The following WEE1 variants were observed in gnomAD, a reference collection of about 807,000 sequenced individuals.
The protein encoded by WEE1 is WEE1 G2 checkpoint kinase.
In WEE1, 16 loss-of-function variants were observed where a neutral mutation model predicts 68.8. The observed-to-expected ratio is 0.23, with a 90% confidence interval of 0.16 to 0.35. The LOEUF (loss-of-function observed/expected upper bound fraction) is 0.35. Ranked by LOEUF, WEE1 falls within the 10% of genes least tolerant of loss-of-function variation. The pLI is 1.00. For missense variants in WEE1, 651 were observed against 824.1 expected (o/e 0.79, Z 2.57); for synonymous variants, 349 against 318.7 (o/e 1.09, Z -1.01).
chr11:9,583,489 C>A (rs1434431964), intron 6 of WEE1, among the ~76,000 whole-genome samples: 1 of 149,866 alleles, frequency 6.7e-6, no homozygotes, highest in Non-Finnish European at 1.5e-5. Flanking sequence ...GTGGCAGGCA[C>A]CTGTAGTCCC....
At chr11:9,577,485 T>G in intron 5 of WEE1, 1 of 492,748 alleles carries the variant, frequency 2.0e-6, no homozygotes, top group Non-Finnish European at 3.6e-6. Flanking sequence ...TTTATGTGCT[T>G]GTCGCTCCAA....
At chr11:9,581,712 T>C (rs375145714) in intron 6 of WEE1, 34 bp downstream of exon 6, 1 of 1,584,000 alleles carries the variant, frequency 6.3e-7, no homozygotes, top group African/African-American at 1.4e-5. Context: ...CTGTGTTCTT[T>C]GGGGTTATAG....
At chr11:9,580,068 G>A (rs1849607738) in intron 5 of WEE1, 1 of 152,086 alleles carries the variant, frequency 6.6e-6, no homozygotes, top group African/African-American at 2.4e-5. Flanking sequence ...ATAAAAGCAG[G>A]TTATGGTCTC....
At chr11:9,577,296 A>G in intron 5 of WEE1, 33 bp downstream of exon 5, 1 of 1,599,164 alleles carries the variant, frequency 6.3e-7, no homozygotes, top group Non-Finnish European at 8.5e-7. Flanking sequence ...TGTGAGCTTG[A>G]GAAAATGAAC....
intron 6 of WEE1, among the ~76,000 whole-genome samples, chr11:9,584,425 C>T (rs1400597004): frequency 6.6e-6 from 1 of 152,138 alleles, no homozygotes; most frequent in East Asian, 1.9e-4. Context: ...GGATTACAGG[C>T]TTGAGCCACC....
intron 5 of WEE1, chr11:9,578,070 T>C: frequency 2.9e-6 from 1 of 349,694 alleles, no homozygotes; most frequent in Non-Finnish European, 5.5e-6. Context: ...GTTTTCATAC[T>C]CAAGTGTGAA....
At position 9,581,689 on chromosome 11, in the gene WEE1, C is replaced by T. The variant is rs4370932; in HGVS notation, c.1288+11C>T. ...TGGATATAAAACCTAGTAAGTATTG[C>T]AGATCTTCTGACCTGTGTTCTTTGG... is the stretch of plus-strand genomic sequence containing the variant. On this transcript the variant is annotated intron_variant, in intron 6 of 10. Transcript: ENST00000450114. The T allele has an allele frequency of 0.38, 604,100 of 1,603,850 alleles. 116,168 individuals are homozygous for T. Among genetic ancestry groups the T allele is most frequent in the Middle Eastern group, 0.53 (3,181 of 6,020 alleles).
At chr11:9,583,784 CACACACACACACACACACATATATATAT>C (rs1849662162) in intron 6 of WEE1, among the ~76,000 whole-genome samples, 7 of 32,452 alleles carry the variant, frequency 2.2e-4, no homozygotes, top group South Asian at 1.2e-3. Flanking sequence ...CACACACACA[CACACACACACACACACACATATATATAT>C]ATATATATAT....
chr11:9,574,298 CGTCGCCGGTCAA>C lies in WEE1; in HGVS notation c.374_385del (p.Val125_Pro128del). On this transcript the variant is annotated inframe_deletion, in exon 1 of 11. Transcript: ENST00000450114. This position sits in a 1 kb window ranked among gnomAD's most constrained non-coding sequence, Gnocchi z 4.9. ...TGGGAGGAGGAGGGCTTCGGCTCCT[CGTCGCCGGTCAA>C]GTCGCCGGCGGCCCCCTACTTCCTG... 7.9e-7 allele frequency: 1 copy of C among 1,261,806 alleles called. No individual in the cohort carries two copies. The highest frequency in any genetic ancestry group is 1.0e-6 in the Non-Finnish European group (1 of 1,003,136). 78.2% of individuals were successfully genotyped at this position (1,261,806 alleles called of 1,614,324 possible).
rs574174011 is a variant in WEE1, at chr11:9,576,992, C to A, written c.1020-150C>A. ...AATCTGCCTTTGGAAAAATCTCTTA[C>A]AAGTCTAAACCCCTTCTCTCTTAAG... On this transcript the variant is annotated intron_variant, in intron 4 of 10. Transcript: ENST00000450114. This position sits in a 1 kb window ranked among gnomAD's most constrained non-coding sequence, Gnocchi z 4.3. 1,305 of 789,304 alleles carry A rather than the reference C, an allele frequency of 1.7e-3. 19 individuals carry two copies. In the South Asian group the frequency reaches 0.017, roughly 10 times the overall value. 48.9% of individuals were successfully genotyped at this position (789,304 alleles called of 1,614,324 possible). A position where few individuals can be genotyped will look rare whatever the true frequency, so the allele number is the denominator to read the frequency against.
chr11:9,577,837 G>A, intron 5 of WEE1: 2 of 455,058 alleles, frequency 4.4e-6, no homozygotes, highest in Non-Finnish European at 8.8e-6. Context: ...CCCTAAGGAT[G>A]AAACAAAACA....
chr11:9,573,971 G>C lies in WEE1; in HGVS notation c.38G>C (p.Arg13Pro). 3.9e-6 allele frequency: 5 copies of C among 1,294,100 alleles called. No homozygotes were observed. Among genetic ancestry groups the C allele is most frequent in the Non-Finnish European group, 4.9e-6 (5 of 1,020,502 alleles). The allele number at this position is 1,294,100 out of a possible 1,614,324, so 80.2% of individuals were successfully genotyped here. The change falls in exon 1 of 11, where the codon CGC becomes CCC. Residue 13 changes from arginine to proline, a missense_variant. Transcript: ENST00000450114. ...FLSRQQPPPPRRAGAACTLRQ... is the reference protein window; with the variant it reads ...FLSRQQPPPPPRAGAACTLRQ... The stretch of plus-strand genomic sequence containing the variant: ...AGCCGACAGCAGCCGCCGCCACCCC[G>C]CCGCGCCGGGGCGGCCTGCACCTTG...
rs1381459292 is a variant in WEE1 at position 9,576,249 on chromosome 11, G to A, written c.802G>A (p.Glu268Lys). The change falls in exon 3 of 11, where the codon GAA (glutamate) becomes AAA (lysine). Residue 268 changes from glutamate to lysine, a missense_variant. Glu to Lys is a moderately conservative substitution (Grantham distance 56, BLOSUM62 1). Coordinates refer to ENST00000450114, the MANE Select transcript of WEE1 (RefSeq NM_003390.4). This position sits in a 1 kb window ranked among gnomAD's most constrained non-coding sequence, Gnocchi z 4.3. ...YWNDSCGEDMEASDYELEDET... is the reference protein window; with the variant it reads ...YWNDSCGEDMKASDYELEDET... ...TTTTAGTTCCTGTGGTGAAGACATG[G>A]AAGCCAGTGATTATGAGCTTGAAGA... The A allele has an allele frequency of 1.1e-5, 16 of 1,517,538 alleles. No individual in the cohort carries two copies. The highest frequency in any genetic ancestry group is 2.5e-5 in the East Asian group (1 of 40,736). The allele number at this position is 1,517,538 out of a possible 1,614,324, so 94.0% of individuals were successfully genotyped here. A position where few individuals can be genotyped will look rare whatever the true frequency, so the allele number is the denominator to read the frequency against.
intron 6 of WEE1, among the ~76,000 whole-genome samples, chr11:9,583,802 CATATATATATATATATATATATATAT>C (rs371859938): frequency 7.3e-4 from 13 of 17,868 alleles, no homozygotes; most frequent in Non-Finnish European, 8.9e-4. Flanking sequence ...CACACACACA[CATATATATATATATATATATATATAT>C]ATATATATAT....
Position 9,574,907 on chromosome 11 carries a change from G to C in WEE1, c.576+398G>C. ...AGGATGCCTTTTAAACGCGGCGATCGGGCCTGTAATTTGGGCGGCGCGGGC... is the reference window on the plus strand; with the variant it reads ...AGGATGCCTTTTAAACGCGGCGATCCGGCCTGTAATTTGGGCGGCGCGGGC... On this transcript the variant is annotated intron_variant, in intron 1 of 10. Transcript: ENST00000450114. This position sits in a 1 kb window ranked among gnomAD's most constrained non-coding sequence, Gnocchi z 4.9. 1.0e-6 allele frequency: 1 copy of C among 985,584 alleles called. No homozygotes were observed. 61.1% of individuals were successfully genotyped at this position (985,584 alleles called of 1,614,324 possible).
At chr11:9,577,500 G>A (rs1849577152) in intron 5 of WEE1, 1 of 455,334 alleles carries the variant, frequency 2.2e-6, no homozygotes, top group Non-Finnish European at 3.9e-6. Context: ...CTCCAACTGA[G>A]CTTTTTGACA....
In WEE1 at chr11:9,577,319, T is replaced by C. The variant is rs1453969574; in HGVS notation, c.1141+56T>C. ...TGAGAAAATGAACATCGAGGAAATA[T>C]TTATGGTTATCTAAAATCTTGCTCT... is the stretch of plus-strand genomic sequence containing the variant. On this transcript the variant is annotated intron_variant, in intron 5 of 10. Coordinates refer to ENST00000450114, the MANE Select transcript of WEE1 (RefSeq NM_003390.4). 4 of 1,574,572 alleles carry C rather than the reference T, an allele frequency of 2.5e-6. No homozygotes were observed. In the East Asian group the frequency reaches 9.1e-5, roughly 36 times the overall value.
At chr11:9,583,204 T>C (rs527359291) in intron 6 of WEE1, among the ~76,000 whole-genome samples, 1 of 151,946 alleles carries the variant, frequency 6.6e-6, no homozygotes, top group East Asian at 1.9e-4. Flanking sequence ...TCCTAGTTAC[T>C]CGGGAGGCTG....
chr11:9,577,282 T>G lies in WEE1; in HGVS notation c.1141+19T>G. ...TGTAATGGTGAGTGATGTAATGGTT[T>G]TCTTGTGAGCTTGAGAAAATGAACA... On this transcript the variant is annotated intron_variant, in intron 5 of 10. Transcript: ENST00000450114. 1 of 1,604,386 alleles carries G rather than the reference T, an allele frequency of 6.2e-7. No individual in the cohort carries two copies. Among genetic ancestry groups the G allele is most frequent in the Non-Finnish European group, 8.5e-7 (1 of 1,176,290 alleles).
Sources: allele counts gnomAD v4.1 joint callset (sites outside exome capture counted in the v4.1 genomes callset), GRCh38; gene constraint gnomAD v4.1.1; non-coding constraint Gnocchi (gnomAD v3.1); transcripts MANE v1.5; gene names NCBI Gene and HGNC (gene_info 2026-07-23, HGNC 2026-07-21).